The following DEPTOR variants were observed in gnomAD, a reference collection of about 807,000 sequenced individuals.
The protein encoded by DEPTOR is DEP domain-containing mTOR-interacting protein.
DEPTOR carries 41 observed loss-of-function variants against 41.6 expected under a neutral mutation model. The ratio of observed to expected loss-of-function variants is 0.98; its 90% CI spans 0.77 to 1.28. The LOEUF (loss-of-function observed/expected upper bound fraction) is 1.28, where lower values mean the gene tolerates loss of function less well. Among genes scored for constraint, DEPTOR ranks in the 50% most tolerant of loss-of-function variants. DEPTOR has a pLI of 0.00. For missense variants in DEPTOR, 514 were observed against 527.9 expected (o/e 0.97, Z 0.26); for synonymous variants, 195 against 192.3 (o/e 1.01, Z -0.12).
At chr8:119,959,264 G>A (rs570616404) in intron 3 of DEPTOR, among the ~76,000 whole-genome samples, 45 of 144,764 alleles carry the variant, frequency 3.1e-4, no homozygotes, top group African/African-American at 8.2e-4. Context: ...CCGGGCTCAC[G>A]CCATTCTCCT....
chr8:119,879,162 AC>A (rs1359759532), intron 1 of DEPTOR, among the ~76,000 whole-genome samples: 1 of 152,158 alleles, frequency 6.6e-6, no homozygotes, highest in South Asian at 2.1e-4. Flanking sequence ...GATGGGTATA[AC>A]AAAAAAGACA....
At chr8:119,894,752 A>T (rs1827494699) in intron 1 of DEPTOR, among the ~76,000 whole-genome samples, 1 of 152,188 alleles carries the variant, frequency 6.6e-6, no homozygotes, top group Non-Finnish European at 1.5e-5. Flanking sequence ...GAACATAGCC[A>T]CAGTTAGTTA....
intron 8 of DEPTOR, among the ~76,000 whole-genome samples, chr8:120,040,978 C>A (rs1020573083): frequency 1.3e-5 from 2 of 152,186 alleles, no homozygotes; most frequent in African/African-American, 4.8e-5. Context: ...TTTTCCACAT[C>A]TATTTGTGTG....
intron 8 of DEPTOR, among the ~76,000 whole-genome samples, chr8:120,041,699 A>C (rs1442195037): frequency 2.0e-5 from 3 of 151,950 alleles, no homozygotes; most frequent in African/African-American, 7.3e-5. Flanking sequence ...CACCACGCCC[A>C]GCTGATTTTT....
rs549004722 is a variant in DEPTOR, at chr8:119,976,637, GA to G, written c.604+11229del. ...GCAACTCTGGGGATCCAGGAACCAG[GA>G]ACTAGTGACTAAAAACTAATCCCTT... is the stretch of plus-strand genomic sequence containing the variant. On this transcript the variant is annotated intron_variant, in intron 4 of 8. Transcript: ENST00000286234. Among the ~76,000 whole-genome samples the G allele has an allele frequency of 5.1e-4, 77 of 152,168 alleles. 2 individuals are homozygous for G. The highest frequency in any genetic ancestry group is 1.0e-3 in the Non-Finnish European group (68 of 68,024).
chr8:119,952,466 G>A (rs868226352), intron 3 of DEPTOR, among the ~76,000 whole-genome samples: 11 of 152,158 alleles, frequency 7.2e-5, no homozygotes, highest in South Asian at 2.1e-4. Flanking sequence ...TGTACAAGGA[G>A]CCCCTAAAGT....
intron 3 of DEPTOR, among the ~76,000 whole-genome samples, chr8:119,959,097 G>C (rs1435106523): frequency 2.0e-5 from 3 of 149,390 alleles, no homozygotes; most frequent in African/African-American, 7.4e-5. Context: ...CAACTCTGCT[G>C]TTACTAACTT....
chr8:119,933,684 C>T (rs563776110), intron 3 of DEPTOR, among the ~76,000 whole-genome samples: 1 of 152,158 alleles, frequency 6.6e-6, no homozygotes, highest in South Asian at 2.1e-4. Flanking sequence ...CAGGGTGAGA[C>T]ATGAACCTGG....
At chr8:119,946,224 CT>C (rs1449447882) in intron 3 of DEPTOR, among the ~76,000 whole-genome samples, 1 of 151,976 alleles carries the variant, frequency 6.6e-6, no homozygotes, top group African/African-American at 2.4e-5. Flanking sequence ...TTCAGACCCC[CT>C]AACAAAAGAG....
intron 1 of DEPTOR, among the ~76,000 whole-genome samples, chr8:119,925,227 T>G (rs1201329071): frequency 6.6e-6 from 1 of 152,004 alleles, no homozygotes; most frequent in Non-Finnish European, 1.5e-5. Context: ...CCGTCTCTAC[T>G]AAAAATACAA....
At chr8:119,937,466 G>A (rs1410709218) in intron 3 of DEPTOR, among the ~76,000 whole-genome samples, 1 of 152,254 alleles carries the variant, frequency 6.6e-6, no homozygotes, top group South Asian at 2.1e-4. Context: ...CTGCCCTAGT[G>A]GTTACATATA....
At chr8:119,957,606 TCAGA>T (rs1828434652) in intron 3 of DEPTOR, among the ~76,000 whole-genome samples, 1 of 151,304 alleles carries the variant, frequency 6.6e-6, no homozygotes, top group Admixed American at 6.6e-5. Flanking sequence ...TTTTTTTTTT[TCAGA>T]CAGAGTCTTG....
At chr8:119,993,003 A>G (rs565447574) in intron 4 of DEPTOR, among the ~76,000 whole-genome samples, 6 of 152,248 alleles carry the variant, frequency 3.9e-5, no homozygotes, top group African/African-American at 1.4e-4. Context: ...AAGATGATAC[A>G]TTTTTATATT....
intron 2 of DEPTOR, among the ~76,000 whole-genome samples, chr8:119,929,608 T>C (rs992396509): frequency 6.6e-6 from 1 of 152,284 alleles, no homozygotes; most frequent in East Asian, 1.9e-4. Flanking sequence ...ATGGTGATGG[T>C]GATAATAATA....
chr8:119,923,893 C>CTTTTTTTTTTTTTTTTT (rs769960283), intron 1 of DEPTOR, among the ~76,000 whole-genome samples: 2 of 104,990 alleles, frequency 1.9e-5, no homozygotes, highest in African/African-American at 3.0e-5. Flanking sequence ...TTTTTTCTTT[C>CTTTTTTTTTTTTTTTTT]TTTTTTTTTT....
At chr8:119,881,367 C>CA in intron 1 of DEPTOR, among the ~76,000 whole-genome samples, 1 of 151,842 alleles carries the variant, frequency 6.6e-6, no homozygotes, top group African/African-American at 2.4e-5. Context: ...GCTAAAATTA[C>CA]AAAAAAATTA....
intron 8 of DEPTOR, among the ~76,000 whole-genome samples, chr8:120,023,132 A>G (rs1439255840): frequency 6.6e-6 from 1 of 152,202 alleles, no homozygotes; most frequent in East Asian, 1.9e-4. Context: ...TGTGTCCACA[A>G]GGAAGATAGA....
intron 1 of DEPTOR, among the ~76,000 whole-genome samples, chr8:119,893,458 A>G (rs924570277): frequency 1.3e-5 from 2 of 152,120 alleles, no homozygotes; most frequent in Non-Finnish European, 2.9e-5. Context: ...GTTCCTGTCT[A>G]TCTGTAGTCT....
chr8:119,911,492 A>G (rs1682460394), intron 1 of DEPTOR, among the ~76,000 whole-genome samples: 1 of 151,522 alleles, frequency 6.6e-6, no homozygotes, highest in Non-Finnish European at 1.5e-5. Flanking sequence ...CTAATTTTGT[A>G]TTTTTAGTAG....
Sources: allele counts gnomAD v4.1 joint callset (sites outside exome capture counted in the v4.1 genomes callset), GRCh38; gene constraint gnomAD v4.1.1; transcripts MANE v1.5; gene names NCBI Gene and HGNC (gene_info 2026-07-23, HGNC 2026-07-21).